Variants in ANKRD45 observed in about 807,000 individuals in gnomAD.
ANKRD45 encodes the protein ankyrin repeat domain-containing protein 45.
Under a neutral mutation model 28.1 loss-of-function variants are expected in ANKRD45, and 21 were observed. The ratio of observed to expected loss-of-function variants is 0.75; its 90% CI spans 0.53 to 1.08. The LOEUF (loss-of-function observed/expected upper bound fraction) is 1.08. Ranked by LOEUF, ANKRD45 falls within the 50% of genes least tolerant of loss-of-function variation. ANKRD45 has a pLI of 0.00. For synonymous variants in ANKRD45, 86 were observed against 103.9 expected (o/e 0.83, Z 1.05); for missense variants, 261 against 308.7 (o/e 0.85, Z 1.16).
intron 3 of ANKRD45, among the ~76,000 whole-genome samples, chr1:173,629,620 GA>G (rs1437831146): frequency 3.3e-5 from 5 of 151,372 alleles, no homozygotes; most frequent in Non-Finnish European, 7.4e-5. Context: ...GGAGACAAAA[GA>G]AAAAAGAATA....
chr1:173,708,800 G>T, the ANKRD45 span, among the ~76,000 whole-genome samples: 1 of 152,180 alleles, frequency 6.6e-6, no homozygotes, highest in Non-Finnish European at 1.5e-5. Flanking sequence ...AAAGGATTTA[G>T]ATTCCATCTT....
the ANKRD45 span, among the ~76,000 whole-genome samples, chr1:173,685,355 G>A: frequency 6.6e-6 from 1 of 152,158 alleles, no homozygotes; most frequent in Non-Finnish European, 1.5e-5. Context: ...TGACCCACAG[G>A]GTGCCGGACT....
the ANKRD45 span, among the ~76,000 whole-genome samples, chr1:173,708,896 C>G: frequency 6.6e-6 from 1 of 152,206 alleles, no homozygotes; most frequent in African/African-American, 2.4e-5. Flanking sequence ...TTCTAGCTCC[C>G]ATCGTAGTGC....
chr1:173,641,022 A>G (rs1668678191), intron 3 of ANKRD45, among the ~76,000 whole-genome samples: 1 of 152,110 alleles, frequency 6.6e-6, no homozygotes, highest in Admixed American at 6.6e-5. Flanking sequence ...AAGACCCCCT[A>G]GGCATTTTTG....
At chr1:173,640,657 G>A (rs1242877720) in intron 3 of ANKRD45, among the ~76,000 whole-genome samples, 1 of 152,122 alleles carries the variant, frequency 6.6e-6, no homozygotes, top group Non-Finnish European at 1.5e-5. Flanking sequence ...CACACCTTGT[G>A]GAGATGTGAA....
chr1:173,665,759 A>C (rs1210667802), intron 1 of ANKRD45, among the ~76,000 whole-genome samples: 1 of 152,168 alleles, frequency 6.6e-6, no homozygotes, highest in Non-Finnish European at 1.5e-5. Flanking sequence ...CTGTAATCCC[A>C]GCAGTTTGGG....
intron 1 of ANKRD45, among the ~76,000 whole-genome samples, chr1:173,663,580 A>G (rs1317533787): frequency 6.6e-6 from 1 of 152,172 alleles, no homozygotes; most frequent in Non-Finnish European, 1.5e-5. Context: ...ACTATTTTCC[A>G]ATCTCTCTTG....
At chr1:173,623,390 G>A (rs1171395404) in intron 5 of ANKRD45, among the ~76,000 whole-genome samples, 1 of 151,322 alleles carries the variant, frequency 6.6e-6, no homozygotes, top group Non-Finnish European at 1.5e-5. Context: ...AGAGAAATGC[G>A]AATCAAAAAT....
chr1:173,706,492 C>T, the ANKRD45 span, among the ~76,000 whole-genome samples: 1 of 151,640 alleles, frequency 6.6e-6, no homozygotes, highest in African/African-American at 2.4e-5. Context: ...GTGCCCACGA[C>T]CATGCATGGC....
At chr1:173,701,800 A>T in the ANKRD45 span, among the ~76,000 whole-genome samples, 1 of 152,176 alleles carries the variant, frequency 6.6e-6, no homozygotes, top group Non-Finnish European at 1.5e-5. Context: ...TGTACCCTAG[A>T]ACTTAGAGTA....
At chr1:173,699,578 A>T in the ANKRD45 span, among the ~76,000 whole-genome samples, 2 of 152,218 alleles carry the variant, frequency 1.3e-5, no homozygotes, top group Non-Finnish European at 2.9e-5. Flanking sequence ...AAACCACATG[A>T]TTATCTCAAT....
At chr1:173,642,705 TGTAA>T (rs775135047) in intron 3 of ANKRD45, among the ~76,000 whole-genome samples, 3 of 152,236 alleles carry the variant, frequency 2.0e-5, no homozygotes, top group Non-Finnish European at 4.4e-5. Flanking sequence ...TTTCCTTATT[TGTAA>T]GTGTTTTTGC....
intron 3 of ANKRD45, chr1:173,636,874 C>T (rs2102341595): frequency 6.5e-7 from 1 of 1,535,700 alleles, no homozygotes; most frequent in Non-Finnish European, 8.7e-7. Context: ...ATCTAGAAAG[C>T]CCATTGATCA....
intron 2 of ANKRD45, among the ~76,000 whole-genome samples, chr1:173,656,224 T>C (rs1669505337): frequency 6.6e-6 from 1 of 152,260 alleles, no homozygotes; most frequent in Admixed American, 6.5e-5. Context: ...CTGTTCCTAT[T>C]TGGCCATCTT....
chr1:173,660,269 G>A (rs1669720760), intron 1 of ANKRD45, among the ~76,000 whole-genome samples: 1 of 152,158 alleles, frequency 6.6e-6, no homozygotes. Context: ...AAGATTCAGA[G>A]AAGAGTACCA....
intron 5 of ANKRD45, 65 bp from the exon 6 acceptor site, chr1:173,610,280 G>A (rs1667086863): frequency 7.0e-7 from 1 of 1,434,468 alleles, no homozygotes; most frequent in Non-Finnish European, 9.8e-7. Flanking sequence ...AATGAAGCCA[G>A]TTTTTAAGAC....
chr1:173,695,716 C>T, the ANKRD45 span, among the ~76,000 whole-genome samples: 1 of 152,102 alleles, frequency 6.6e-6, no homozygotes, highest in Non-Finnish European at 1.5e-5. Flanking sequence ...TGGGTATATA[C>T]CCAGTAGTAG....
intron 3 of ANKRD45, chr1:173,637,040 A>T (rs12065988): frequency 0.22 from 332,172 of 1,480,576 alleles, 47,827 homozygotes; most frequent in African/African-American, 0.72. Context: ...ATACTAAATA[A>T]ATGCATATGC....
chr1:173,653,492 T>C (rs143674150), intron 2 of ANKRD45, among the ~76,000 whole-genome samples: 1,758 of 152,310 alleles, frequency 0.012, 44 homozygotes, highest in African/African-American at 0.041. Context: ...TTCTTTTACA[T>C]TTGCTCAGGA....
Sources: gnomAD v4.1 joint callset for allele counts (sites outside exome capture counted in the v4.1 genomes callset) on GRCh38, gnomAD v4.1.1 for gene constraint, MANE v1.5 for transcripts, NCBI Gene and HGNC (gene_info 2026-07-23, HGNC 2026-07-21) for gene names.